Variants in ROBO1 observed in about 807,000 individuals in gnomAD.
ROBO1 encodes the protein roundabout guidance receptor 1, also known as roundabout homolog 1.
Under a neutral mutation model 195.9 loss-of-function variants are expected in ROBO1, and 149 were observed. The ratio of observed to expected loss-of-function variants is 0.76; its 90% CI spans 0.67 to 0.87. The LOEUF (loss-of-function observed/expected upper bound fraction) is 0.87, where lower values mean the gene tolerates loss of function less well. Ranked by LOEUF, ROBO1 falls within the 40% of genes least tolerant of loss-of-function variation. The probability of loss-of-function intolerance (pLI) is 0.00; values close to 1 mark genes in which losing one functional copy is unlikely to be tolerated. For synonymous variants in ROBO1, 816 were observed against 733.2 expected (o/e 1.11, Z -1.82); for missense variants, 1,933 against 2,068.3 (o/e 0.93, Z 1.27).
At chr3:78,610,301 T>TC (rs1371204487) in intron 28 of ROBO1, among the ~76,000 whole-genome samples, 1 of 152,142 alleles carries the variant, frequency 6.6e-6, no homozygotes, top group African/African-American at 2.4e-5. Context: ...TGATGTCCCC[T>TC]CCCTTGATGT....
intron 4 of ROBO1, among the ~76,000 whole-genome samples, chr3:78,783,488 T>C (rs1386152861): frequency 6.6e-6 from 1 of 152,184 alleles, no homozygotes; most frequent in Non-Finnish European, 1.5e-5. Flanking sequence ...ATCTACTACA[T>C]AATGATAAAT....
chr3:78,610,871 T>C (rs1283069235), intron 28 of ROBO1, among the ~76,000 whole-genome samples: 1 of 152,168 alleles, frequency 6.6e-6, no homozygotes, highest in African/African-American at 2.4e-5. Flanking sequence ...CTTTCTTAGG[T>C]ATTACAAAAT....
At chr3:78,777,410 G>A (rs2083537472) in intron 4 of ROBO1, among the ~76,000 whole-genome samples, 1 of 145,924 alleles carries the variant, frequency 6.9e-6, no homozygotes, top group Non-Finnish European at 1.5e-5. Flanking sequence ...TACTTTGTCT[G>A]TTTCACAATT....
At chr3:79,023,398 C>T (rs143671883) in intron 3 of ROBO1, among the ~76,000 whole-genome samples, 350 of 152,140 alleles carry the variant, frequency 2.3e-3, no homozygotes, top group African/African-American at 8.1e-3. Flanking sequence ...CCGAATAATC[C>T]GAATAAAAGG....
At chr3:78,960,486 G>C (rs2041276903) in intron 3 of ROBO1, among the ~76,000 whole-genome samples, 1 of 151,756 alleles carries the variant, frequency 6.6e-6, no homozygotes, top group South Asian at 2.1e-4. Flanking sequence ...AAAGTTAAAA[G>C]AATACATAAT....
intron 4 of ROBO1, among the ~76,000 whole-genome samples, chr3:78,867,432 G>A (rs532694313): frequency 2.0e-5 from 3 of 152,256 alleles, no homozygotes; most frequent in Admixed American, 2.0e-4. Flanking sequence ...TCTATGTTAA[G>A]AAAGGATCTC....
chr3:79,018,629 T>A, intron 3 of ROBO1: 1 of 1,446,816 alleles, frequency 6.9e-7, no homozygotes, highest in Admixed American at 2.4e-5. Context: ...TCCGGACGCT[T>A]GTCAGTATCT....
chr3:79,125,031 G>T (rs2080189047), intron 3 of ROBO1, among the ~76,000 whole-genome samples: 1 of 151,338 alleles, frequency 6.6e-6, no homozygotes, highest in South Asian at 2.1e-4. Context: ...TAAGAGTTTT[G>T]CTTTCTTTTG....
At chr3:79,133,345 T>C in intron 2 of ROBO1, among the ~76,000 whole-genome samples, 1 of 117,214 alleles carries the variant, frequency 8.5e-6, no homozygotes, top group Non-Finnish European at 1.7e-5. Context: ...TTTGGTCTTT[T>C]CACATAGTCC....
At chr3:79,486,143 TC>T (rs1334125723) in intron 2 of ROBO1, among the ~76,000 whole-genome samples, 1 of 152,176 alleles carries the variant, frequency 6.6e-6, no homozygotes, top group Non-Finnish European at 1.5e-5. Flanking sequence ...ATAAAAGCTC[TC>T]AGAAGAGTGA....
At chr3:79,497,793 T>C (rs1203628135) in intron 2 of ROBO1, among the ~76,000 whole-genome samples, 1 of 152,190 alleles carries the variant, frequency 6.6e-6, no homozygotes, top group Non-Finnish European at 1.5e-5. Context: ...ATTTTTCTTT[T>C]AAAACGGTAA....
intron 2 of ROBO1, among the ~76,000 whole-genome samples, chr3:79,446,368 GGTT>G (rs2039256298): frequency 6.6e-6 from 1 of 152,052 alleles, no homozygotes; most frequent in Admixed American, 6.5e-5. Flanking sequence ...ATGTCTGAAA[GGTT>G]ATTATGCAAC....
intron 2 of ROBO1, among the ~76,000 whole-genome samples, chr3:79,270,977 C>G (rs1559779494): frequency 1.3e-5 from 2 of 151,884 alleles, no homozygotes; most frequent in South Asian, 4.2e-4. Context: ...TTATCACTAC[C>G]ATTGTAACAT....
intron 1 of ROBO1, among the ~76,000 whole-genome samples, chr3:79,607,134 T>C (rs531969014): frequency 0.031 from 2,325 of 76,226 alleles, 73 homozygotes; most frequent in Admixed American, 0.1. Context: ...CACACACACA[T>C]AGTGGAACCT....
intron 2 of ROBO1, among the ~76,000 whole-genome samples, chr3:79,200,054 A>G (rs1032924658): frequency 6.6e-6 from 1 of 151,834 alleles, no homozygotes; most frequent in Non-Finnish European, 1.5e-5. Flanking sequence ...CTGTAACTGT[A>G]GGAAGACAAA....
intron 1 of ROBO1, among the ~76,000 whole-genome samples, chr3:79,595,646 G>T (rs2107841084): frequency 6.6e-6 from 1 of 151,626 alleles, no homozygotes; most frequent in African/African-American, 2.4e-5. Flanking sequence ...ATCCTCCTGA[G>T]ACATGTCTCA....
At chr3:78,761,885 C>G (rs760088515) in intron 4 of ROBO1, among the ~76,000 whole-genome samples, 1 of 152,056 alleles carries the variant, frequency 6.6e-6, no homozygotes, top group Non-Finnish European at 1.5e-5. Context: ...TTGTAACTAG[C>G]TTCCTATCAG....
chr3:78,678,528 C>T (rs1708582604), intron 10 of ROBO1, among the ~76,000 whole-genome samples: 1 of 152,148 alleles, frequency 6.6e-6, no homozygotes, highest in South Asian at 2.1e-4. Flanking sequence ...AAACTACTAT[C>T]AGAGAATACT....
intron 1 of ROBO1, among the ~76,000 whole-genome samples, chr3:79,667,953 T>C (rs1946520868): frequency 6.6e-6 from 1 of 151,808 alleles, no homozygotes; most frequent in African/African-American, 2.4e-5. Flanking sequence ...CTTTAGGAAT[T>C]AAGACATACT....
Sources: allele counts gnomAD v4.1 joint callset (sites outside exome capture counted in the v4.1 genomes callset), GRCh38; gene constraint gnomAD v4.1.1; transcripts MANE v1.5; gene names NCBI Gene and HGNC (gene_info 2026-07-23, HGNC 2026-07-21).